Variants in ATP2A2 observed in about 807,000 individuals in gnomAD.
ATP2A2 encodes sarcoplasmic/endoplasmic reticulum calcium ATPase 2.
Under a neutral mutation model 109.3 loss-of-function variants are expected in ATP2A2, and 14 were observed. The observed-to-expected ratio is 0.13, with a 90% CI of 0.08 to 0.20. The LOEUF is 0.20. Ranked by LOEUF, ATP2A2 falls within the 10% of genes least tolerant of loss-of-function variation. The probability of loss-of-function intolerance (pLI) is 1.00; values close to 1 mark genes in which losing one functional copy is unlikely to be tolerated. For synonymous variants in ATP2A2, 506 were observed against 490.9 expected (o/e 1.03, Z -0.41); for missense variants, 657 against 1,321.6 (o/e 0.50, Z 7.80).
intron 5 of ATP2A2, among the ~76,000 whole-genome samples, chr12:110,307,534 A>G (rs896683731): frequency 2.0e-5 from 3 of 152,136 alleles, no homozygotes; most frequent in African/African-American, 7.2e-5. Flanking sequence ...GTGCCCAGCA[A>G]TAATAGTCAC....
chr12:110,306,879 C>T (rs1029765524), intron 5 of ATP2A2, among the ~76,000 whole-genome samples: 3 of 152,126 alleles, frequency 2.0e-5, no homozygotes, highest in Non-Finnish European at 4.4e-5. Context: ...CCTCCCACCT[C>T]AGCCTCCTTG....
At position 110,339,422 on chromosome 12, in the gene ATP2A2, A is replaced by G. The variant is rs995582501; in HGVS notation, c.1542+19A>G. 6.2e-7 allele frequency: 1 copy of G among 1,614,106 alleles called. No individual in the cohort carries two copies. Among genetic ancestry groups the G allele is most frequent in the Non-Finnish European group, 8.5e-7 (1 of 1,180,054 alleles). On this transcript the variant is annotated intron_variant, in intron 12 of 19. Transcript: ENST00000539276. The surrounding 1 kb of genome is among the most constrained non-coding windows in gnomAD (Gnocchi z 4.4). The stretch of plus-strand genomic sequence containing the variant: ...TGTGAAGGCAAGTATGGCAGATTGC[A>G]ATTGAGATGTTCTTGCCAGGGTTAA...
intron 5 of ATP2A2, among the ~76,000 whole-genome samples, chr12:110,314,831 A>G (rs1566219723): frequency 1.3e-5 from 2 of 152,090 alleles, no homozygotes; most frequent in African/African-American, 2.4e-5. Context: ...TGAATGTTGT[A>G]CATAAAGAGA....
chr12:110,333,944 AT>A (rs1255897960), intron 10 of ATP2A2, 67 bp from the exon 11 acceptor site: 3 of 1,606,814 alleles, frequency 1.9e-6, no homozygotes, highest in Non-Finnish European at 2.6e-6. Flanking sequence ...TGGAAAAAAA[AT>A]ATTAAAGATA....
intron 5 of ATP2A2, among the ~76,000 whole-genome samples, chr12:110,298,131 G>C (rs1295037177): frequency 6.6e-6 from 1 of 152,110 alleles, no homozygotes; most frequent in Admixed American, 6.6e-5. Flanking sequence ...GGTGTGCTTT[G>C]TCTTTATTGT....
rs115241578 is a variant in ATP2A2 at position 110,323,524 on chromosome 12, A to G, written c.544+452A>G. 7.2e-3 allele frequency among the ~76,000 whole-genome samples: 1,091 copies of G among 152,304 alleles called. 9 individuals carry two copies. Among genetic ancestry groups the G allele is most frequent in the African/African-American group, 0.025 (1,035 of 41,564 alleles). On this transcript the variant is annotated intron_variant, in intron 6 of 19. Coordinates refer to ENST00000539276, the MANE Select transcript of ATP2A2 (RefSeq NM_170665.4). Reference sequence around the variant, plus strand: ...AAAGGCATGATTTAAAAACAAAACAAAATGGCTGGGCACGGTGGCTCATGC... The same window carrying G: ...AAAGGCATGATTTAAAAACAAAACAGAATGGCTGGGCACGGTGGCTCATGC...
In ATP2A2 at chr12:110,347,568, ATG is replaced by A. The variant is rs1289953309; in HGVS notation, c.*1106_*1107del. The A allele has an allele frequency of 6.4e-6, 8 of 1,250,918 alleles. No homozygotes were observed. The East Asian group carries it at 1.7e-4, about 27-fold the overall frequency. The allele number at this position is 1,250,918 out of a possible 1,614,324, so 77.5% of individuals were successfully genotyped here. A position where few individuals can be genotyped will look rare whatever the true frequency, so the allele number is the denominator to read the frequency against. On this transcript the variant is annotated 3_prime_UTR_variant, in exon 20 of 20. Transcript: ENST00000539276. ...ATAGAGAACATAAGGGCAAGTGTGTATGTGTGTGTATGTGTGTGTTTTGTAAA... is the reference window on the plus strand; with the variant it reads ...ATAGAGAACATAAGGGCAAGTGTGTATGTGTGTATGTGTGTGTTTTGTAAA...
At chr12:110,294,696 T>C (rs1412637291) in intron 4 of ATP2A2, among the ~76,000 whole-genome samples, 1 of 152,166 alleles carries the variant, frequency 6.6e-6, no homozygotes, top group Non-Finnish European at 1.5e-5. Flanking sequence ...CTTAAGTCTT[T>C]AGTATACTGA....
chr12:110,287,322 A>G (rs1406823539), intron 3 of ATP2A2, among the ~76,000 whole-genome samples: 1 of 152,128 alleles, frequency 6.6e-6, no homozygotes, highest in Non-Finnish European at 1.5e-5. Context: ...GTTGTACAGT[A>G]TTTCAGTGCT....
Position 110,346,365 on chromosome 12 carries a change from G to A in ATP2A2, c.3024G>A (p.Ser1008=), listed in dbSNP as rs760419406. The stretch of plus-strand genomic sequence containing the variant: ...CTGCCACCAAATCCTGCTCGTTCTC[G>A]GCATGCACCGATGGGATTTCCTGGC... The part of the protein sequence containing the change: ...VQPATKSCSF[S]ACTDGISWPF... Residue 1008 remains serine (S), a synonymous_variant, in exon 20 of 20, where the codon TCG becomes TCA. Transcript: ENST00000539276. 26 of 1,613,928 alleles carry A rather than the reference G, an allele frequency of 1.6e-5. No individual in the cohort carries two copies. The highest frequency in any genetic ancestry group is 3.3e-5 in the South Asian group (3 of 91,068).
intron 4 of ATP2A2, among the ~76,000 whole-genome samples, chr12:110,295,822 A>G (rs978832860): frequency 4.6e-5 from 7 of 152,218 alleles, no homozygotes; most frequent in Admixed American, 2.0e-4. Flanking sequence ...TGGCAGTGCT[A>G]TGATGAGAGT....
chr12:110,342,200 C>G lies in ATP2A2; in HGVS notation c.2098-28C>G, dbSNP rs770996956. ...GGTATGAATGTGGCATGCCAGTTGG[C>G]TGACCCAACCATTGCTTTCCCTTTC... On this transcript the variant is annotated intron_variant, in intron 14 of 19. Coordinates refer to ENST00000539276, the MANE Select transcript of ATP2A2 (RefSeq NM_170665.4). This position sits in a 1 kb window ranked among gnomAD's most constrained non-coding sequence, Gnocchi z 4.6. 6.2e-7 allele frequency: 1 copy of G among 1,613,640 alleles called. No individual in the cohort carries two copies. Among genetic ancestry groups the G allele is most frequent in the South Asian group, 1.1e-5 (1 of 91,074 alleles).
rs147558863 is a variant in ATP2A2 at position 110,346,266 on chromosome 12, C to A, written c.2925C>A (p.Pro975=). The A allele has an allele frequency of 6.2e-7, 1 of 1,614,018 alleles. No homozygotes were observed. Among genetic ancestry groups the A allele is most frequent in the African/African-American group, 1.3e-5 (1 of 74,914 alleles). The part of the protein sequence containing the change: ...QWLMVLKISL[P]VILMDETLKF... ...TGATGGTGCTGAAAATCTCCTTGCC[C>A]GTGATTCTCATGGATGAGACGCTCA... Residue 975 remains proline, a synonymous_variant, in exon 20 of 20, where the codon CCC becomes CCA. Coordinates refer to ENST00000539276, the MANE Select transcript of ATP2A2 (RefSeq NM_170665.4).
chr12:110,282,361 C>G (rs1049647586), intron 1 of ATP2A2, among the ~76,000 whole-genome samples: 1 of 152,202 alleles, frequency 6.6e-6, no homozygotes, highest in Non-Finnish European at 1.5e-5. Flanking sequence ...GAAGTGATTT[C>G]ACGCTTAGGG....
At chr12:110,289,907 C>G (rs912858639) in intron 3 of ATP2A2, among the ~76,000 whole-genome samples, 1 of 152,152 alleles carries the variant, frequency 6.6e-6, no homozygotes, top group South Asian at 2.1e-4. Flanking sequence ...CTTTTTACCA[C>G]GTTTATAGTT....
rs773289845 is a variant in ATP2A2 at position 110,348,800 on chromosome 12, G to A, written c.*2330G>A. ...GCTTTGCCCAGCAGGGAACATTTGG[G>A]GCAGGGGGTAAATTTTGCCAGTTTG... On this transcript the variant is annotated 3_prime_UTR_variant, in exon 20 of 20. Coordinates refer to ENST00000539276, the MANE Select transcript of ATP2A2 (RefSeq NM_170665.4). 18 of 985,512 alleles carry A rather than the reference G, an allele frequency of 1.8e-5. No individual in the cohort carries two copies. Among genetic ancestry groups the A allele is most frequent in the Non-Finnish European group, 2.2e-5 (18 of 830,020 alleles). 61.0% of individuals were successfully genotyped at this position (985,512 alleles called of 1,614,324 possible). A position where few individuals can be genotyped will look rare whatever the true frequency, so the allele number is the denominator to read the frequency against.
chr12:110,292,177 G>A (rs1436073277), intron 4 of ATP2A2, 53 bp downstream of exon 4: 3 of 1,260,788 alleles, frequency 2.4e-6, no homozygotes, highest in East Asian at 4.6e-5. Flanking sequence ...TAAGTGATTA[G>A]GGCTGTATTA....
chr12:110,331,826 TCTTA>T (rs1878369888), intron 8 of ATP2A2: 4 of 152,230 alleles, frequency 2.6e-5, no homozygotes, highest in Admixed American at 2.6e-4. Context: ...CAAGCCTAAA[TCTTA>T]CTTTTCCAAA....
chr12:110,337,473 G>A (rs759615643), intron 11 of ATP2A2, among the ~76,000 whole-genome samples: 9 of 152,220 alleles, frequency 5.9e-5, no homozygotes, highest in Non-Finnish European at 7.3e-5. Flanking sequence ...CTAAACACAC[G>A]TGTGATTGAG....
Sources: allele counts gnomAD v4.1 joint callset (sites outside exome capture counted in the v4.1 genomes callset), GRCh38; gene constraint gnomAD v4.1.1; non-coding constraint Gnocchi (gnomAD v3.1); transcripts MANE v1.5; gene names NCBI Gene and HGNC (gene_info 2026-07-23, HGNC 2026-07-21).